Variants in CDCA7 observed in about 807,000 individuals in gnomAD.
CDCA7 encodes cell division cycle-associated protein 7.
A neutral mutation model predicts 54.0 loss-of-function variants in CDCA7; 28 were observed. That is an observed-to-expected ratio of 0.52 (90% CI 0.38 to 0.71). The LOEUF (loss-of-function observed/expected upper bound fraction) is 0.71. Among genes scored for constraint, CDCA7 ranks in the 30% least tolerant of loss-of-function variants. CDCA7 has a pLI of 0.00. For synonymous variants in CDCA7, 180 were observed against 208.2 expected (o/e 0.86, Z 1.16); for missense variants, 484 against 586.0 (o/e 0.83, Z 1.80).
chr2:173,357,873 C>T (rs538489804), intron 1 of CDCA7, among the ~76,000 whole-genome samples: 13 of 151,982 alleles, frequency 8.6e-5, no homozygotes, highest in African/African-American at 3.1e-4. Context: ...AATGTCTTTA[C>T]AATTTTCCTG....
At chr2:173,359,128 T>C in intron 2 of CDCA7, 127 bp from the exon 3 acceptor site, 1 of 822,396 alleles carries the variant, frequency 1.2e-6, no homozygotes, top group African/African-American at 1.7e-5. Flanking sequence ...ACCATTTTTC[T>C]TTGTAACAAA....
At chr2:173,361,111 TGTG>T (rs1686612636) in intron 3 of CDCA7, among the ~76,000 whole-genome samples, 1 of 152,234 alleles carries the variant, frequency 6.6e-6, no homozygotes, top group Non-Finnish European at 1.5e-5. Flanking sequence ...TTATTTATGT[TGTG>T]GCATGTGTTA....
At position 173,363,257 on chromosome 2, in the gene CDCA7, C is replaced by A. The variant is rs1686657400; in HGVS notation, c.416C>A (p.Thr139Asn). ...CAGTCAGTTCGGGAAGGCTGTAGGA[C>A]CCGCAGCCAGTGCAGGCACTCTGGA... ...RLQSVREGCR[T>N]RSQCRHSGPL... The change falls in exon 4 of 10, where the codon ACC becomes AAC. Residue 139 changes from threonine (T) to asparagine (N), a missense_variant. Thr to Asn is a moderately conservative substitution (Grantham distance 65). Transcript: ENST00000306721. The A allele has an allele frequency of 6.2e-7, 1 of 1,614,028 alleles. No homozygotes were observed. The highest frequency in any genetic ancestry group is 8.5e-7 in the Non-Finnish European group (1 of 1,180,040).
In CDCA7 at chr2:173,368,374, A is replaced by C. The variant is rs1026716454; in HGVS notation, c.*710A>C. On this transcript the variant is annotated 3_prime_UTR_variant, in exon 10 of 10. Transcript: ENST00000306721. ...TAATTAAAATAATGATGGAAGAGCT[A>C]TCTGGAGATTATGAGTAAGCTGATT... 2.0e-5 allele frequency: 3 copies of C among 152,242 alleles called. No homozygotes were observed. Among genetic ancestry groups the C allele is most frequent in the Non-Finnish European group, 4.4e-5 (3 of 68,050 alleles). 9.4% of individuals were successfully genotyped at this position (152,242 alleles called of 1,614,324 possible). A position where few individuals can be genotyped will look rare whatever the true frequency, so the allele number is the denominator to read the frequency against.
chr2:173,355,113 G>A (rs1686470041), intron 1 of CDCA7, 129 bp downstream of exon 1: 2 of 1,060,018 alleles, frequency 1.9e-6, no homozygotes, highest in African/African-American at 1.7e-5. Flanking sequence ...GGCGTTGCCC[G>A]CTTGGGCAAG....
chr2:173,357,936 C>T (rs1050121099), intron 1 of CDCA7, among the ~76,000 whole-genome samples: 2 of 152,030 alleles, frequency 1.3e-5, no homozygotes, highest in Non-Finnish European at 2.9e-5. Flanking sequence ...CGCGGTGGCT[C>T]ACGCCTGTAA....
chr2:173,359,606 G>A, intron 3 of CDCA7, 115 bp downstream of exon 3: 1 of 914,010 alleles, frequency 1.1e-6, no homozygotes, highest in Non-Finnish European at 1.7e-6. Context: ...AGACTTTGTT[G>A]ACCTTTTAAA....
chr2:173,367,012 T>C lies in CDCA7; in HGVS notation c.1186-138T>C, dbSNP rs1341438716. On this transcript the variant is annotated intron_variant, in intron 8 of 9. Transcript: ENST00000306721. ...ACTCCTGGAAGGAAGCATTAGGCAT[T>C]AGGAAACATTAGGCATGACTAATGC... 3 of 1,233,888 alleles carry C rather than the reference T, an allele frequency of 2.4e-6. No homozygotes were observed. The African/African-American group carries it at 4.6e-5, about 19-fold the overall frequency. The allele number at this position is 1,233,888 out of a possible 1,614,324, so 76.4% of individuals were successfully genotyped here.
intron 2 of CDCA7, 122 bp from the exon 3 acceptor site, chr2:173,359,132 TA>T: frequency 1.2e-6 from 1 of 828,694 alleles, no homozygotes. Flanking sequence ...TTTTTCTTTG[TA>T]ACAAAAGCTG....
chr2:173,364,637 T>C, intron 5 of CDCA7, 158 bp from the exon 6 acceptor site: 1 of 1,068,838 alleles, frequency 9.4e-7, no homozygotes, highest in Admixed American at 4.1e-5. Flanking sequence ...ATATAGGTTT[T>C]AGGCTCATTT....
At position 173,366,902 on chromosome 2, in the gene CDCA7, A is replaced by C. The variant is rs1382708990; in HGVS notation, c.1186-248A>C. On this transcript the variant is annotated intron_variant, in intron 8 of 9. Transcript: ENST00000306721. The surrounding 1 kb of genome is among the most constrained non-coding windows in gnomAD (Gnocchi z 4.5). ...TTCAGAGGGATGGTGCTGCATAGGCATGAGCCGCTTCTACGATACTCGGGT... is the reference window on the plus strand; with the variant it reads ...TTCAGAGGGATGGTGCTGCATAGGCCTGAGCCGCTTCTACGATACTCGGGT... 2.0e-5 allele frequency among the ~76,000 whole-genome samples: 3 copies of C among 152,212 alleles called. No homozygotes were observed. Among genetic ancestry groups the C allele is most frequent in the African/African-American group, 7.2e-5 (3 of 41,458 alleles).
At chr2:173,356,360 TAG>T (rs1242534019) in intron 1 of CDCA7, among the ~76,000 whole-genome samples, 1 of 144,580 alleles carries the variant, frequency 6.9e-6, no homozygotes, top group Non-Finnish European at 1.5e-5. Context: ...TGCTTGCAGG[TAG>T]ATTGATGAGT....
chr2:173,363,555 G>T, intron 4 of CDCA7, 93 bp downstream of exon 4: 1 of 1,250,914 alleles, frequency 8.0e-7, no homozygotes, highest in Non-Finnish European at 1.1e-6. Context: ...ATTTTTTTCT[G>T]TTACATGAAT....
At chr2:173,363,974 ATTTC>A in intron 5 of CDCA7, 79 bp downstream of exon 5, 2 of 1,340,554 alleles carry the variant, frequency 1.5e-6, no homozygotes, top group Non-Finnish European at 2.1e-6. Flanking sequence ...TAAAAATCTA[ATTTC>A]TTTATTTGTG....
At position 173,358,735 on chromosome 2, in the gene CDCA7, G is replaced by C; in HGVS notation, c.45G>C (p.Lys15Asn). The C allele has an allele frequency of 6.2e-7, 1 of 1,613,808 alleles. No homozygotes were observed. The highest frequency in any genetic ancestry group is 2.2e-5 in the East Asian group (1 of 44,858). The change falls in exon 2 of 10, where the codon AAG becomes AAC. Residue 15 changes from lysine (K) to asparagine (N), a missense_variant. Transcript: ENST00000306721. Reference protein sequence around the residue: ...RVPQKDLRVKKNLKKFRYVKL... With the variant: ...RVPQKDLRVKNNLKKFRYVKL... The stretch of plus-strand genomic sequence containing the variant: ...AGCAGAAAGATCTCAGAGTAAAGAA[G>C]AACTTAAAGAAATTCAGATATGTGA...
chr2:173,356,815 C>T (rs1467884000), intron 1 of CDCA7, among the ~76,000 whole-genome samples: 1 of 152,194 alleles, frequency 6.6e-6, no homozygotes, highest in South Asian at 2.1e-4. Context: ...TACACCTAAC[C>T]TTTATATTTA....
chr2:173,361,785 G>A (rs1402936773), intron 3 of CDCA7, among the ~76,000 whole-genome samples: 1 of 151,892 alleles, frequency 6.6e-6, no homozygotes, highest in East Asian at 1.9e-4. Flanking sequence ...ATGAAGTGGT[G>A]TCTCACTATG....
chr2:173,365,641 A>C, intron 7 of CDCA7, 49 bp downstream of exon 7: 4 of 1,597,034 alleles, frequency 2.5e-6, no homozygotes, highest in Non-Finnish European at 3.4e-6. Flanking sequence ...TGTGAGAGGA[A>C]GAGAGCTTCT....
At chr2:173,357,797 C>T (rs1686537693) in intron 1 of CDCA7, among the ~76,000 whole-genome samples, 1 of 152,076 alleles carries the variant, frequency 6.6e-6, no homozygotes, top group South Asian at 2.1e-4. Flanking sequence ...ATGCTAAGAG[C>T]TAAAGATTAG....
Sources: allele counts gnomAD v4.1 joint callset (sites outside exome capture counted in the v4.1 genomes callset), GRCh38; gene constraint gnomAD v4.1.1; non-coding constraint Gnocchi (gnomAD v3.1); transcripts MANE v1.5; gene names NCBI Gene and HGNC (gene_info 2026-07-23, HGNC 2026-07-21).